The following EPM2A variants were observed in gnomAD, a reference collection of about 807,000 sequenced individuals.
EPM2A encodes the protein EPM2A glucan phosphatase, laforin.
Under a neutral mutation model 26.5 loss-of-function variants are expected in EPM2A, and 21 were observed. That is an observed-to-expected ratio of 0.79 (90% CI 0.56 to 1.14). The LOEUF (loss-of-function observed/expected upper bound fraction) is 1.14, where lower values mean the gene tolerates loss of function less well. Ranked by LOEUF, EPM2A falls within the 50% of genes most tolerant of loss-of-function variation. The pLI, the probability that EPM2A is intolerant of heterozygous loss-of-function variation, is 0.00. For synonymous variants in EPM2A, 217 were observed against 177.6 expected (o/e 1.22, Z -1.76); for missense variants, 458 against 440.8 (o/e 1.04, Z -0.35).
chr6:145,727,764 C>T (rs887060662), intron 1 of EPM2A, among the ~76,000 whole-genome samples: 3 of 152,196 alleles, frequency 2.0e-5, no homozygotes, highest in Admixed American at 6.5e-5. Flanking sequence ...TCTACTCATT[C>T]TTCTTGGTAA....
chr6:145,387,849 T>C (rs1231139592), intron 4 of EPM2A, among the ~76,000 whole-genome samples: 1 of 151,870 alleles, frequency 6.6e-6, no homozygotes, highest in Non-Finnish European at 1.5e-5. Context: ...CAAGTTATGG[T>C]ACAAGCAGGC....
In EPM2A at chr6:145,733,507, G is replaced by C. The variant is rs117768659; in HGVS notation, c.301+1691C>G. On this transcript the variant is annotated intron_variant, in intron 1 of 3. Transcript: ENST00000367519. ...AAAGTTTGTGGTACCTTAAGAAATA[G>C]CAACATAAGCAAACTATTAACGGCA... Among the ~76,000 whole-genome samples the C allele has an allele frequency of 4.1e-3, 628 of 152,092 alleles. 18 individuals carry two copies. In the East Asian group the frequency reaches 0.07, roughly 17 times the overall value.
rs1435084757 is a variant in EPM2A, at chr6:145,384,452, G to A, written c.556-355C>T. Reference sequence around the variant, plus strand: ...AGAAGGATTGGCAAAGGGAAAATGTGGTCTAAGATTCGGTGTCAATAAAGG... The same window carrying A: ...AGAAGGATTGGCAAAGGGAAAATGTAGTCTAAGATTCGGTGTCAATAAAGG... On this transcript the variant is annotated intron_variant, in intron 4 of 4. Transcript: ENST00000638717. Among the ~76,000 whole-genome samples the A allele has an allele frequency of 2.1e-5, 3 of 143,242 alleles. 1 individual carries two copies. The highest frequency in any genetic ancestry group is 4.6e-5 in the Non-Finnish European group (3 of 65,210). 94.0% of individuals were successfully genotyped at this position (143,242 alleles called of 152,430 possible).
At chr6:145,733,306 TA>T (rs67187505) in intron 1 of EPM2A, among the ~76,000 whole-genome samples, 81,769 of 151,134 alleles carry the variant, frequency 0.54, 22,553 homozygotes, top group East Asian at 0.67. Context: ...AAAATAATAG[TA>T]AAAAAAAATC....
At chr6:145,472,350 T>C (rs1200609403) in intron 4 of EPM2A, among the ~76,000 whole-genome samples, 9 of 151,798 alleles carry the variant, frequency 5.9e-5, no homozygotes, top group East Asian at 2.0e-4. Context: ...GTGGTGGCTA[T>C]GGGGCAAAAC....
At chr6:145,580,846 A>T (rs1418117699) in intron 2 of EPM2A, among the ~76,000 whole-genome samples, 1 of 152,142 alleles carries the variant, frequency 6.6e-6, no homozygotes, top group African/African-American at 2.4e-5. Context: ...AAAGGACATG[A>T]TCTCATTCTT....
intron 2 of EPM2A, among the ~76,000 whole-genome samples, chr6:145,619,663 A>G (rs1038816116): frequency 1.3e-5 from 2 of 152,178 alleles, no homozygotes; most frequent in Admixed American, 6.5e-5. Flanking sequence ...TCTGTCCGGC[A>G]ATGAAGATTA....
At chr6:145,644,460 T>A (rs1372503205) in intron 2 of EPM2A, among the ~76,000 whole-genome samples, 3 of 152,158 alleles carry the variant, frequency 2.0e-5, no homozygotes, top group Non-Finnish European at 4.4e-5. Context: ...AAGTTTTTTT[T>A]ATATATGGAT....
At chr6:145,720,039 A>G (rs1775868820) in intron 1 of EPM2A, among the ~76,000 whole-genome samples, 1 of 152,168 alleles carries the variant, frequency 6.6e-6, no homozygotes, top group South Asian at 2.1e-4. Flanking sequence ...CATATCTCTC[A>G]ACATTTCTCA....
chr6:145,387,409 T>C (rs1562315891), intron 4 of EPM2A, among the ~76,000 whole-genome samples: 1 of 152,116 alleles, frequency 6.6e-6, no homozygotes, highest in Non-Finnish European at 1.5e-5. Context: ...CTTCAGACTG[T>C]CCTGCCTCCA....
chr6:145,697,592 T>G (rs1158922134), intron 1 of EPM2A, among the ~76,000 whole-genome samples: 1 of 152,062 alleles, frequency 6.6e-6, no homozygotes. Context: ...GGCTCGACCA[T>G]AAAAGATGGC....
intron 2 of EPM2A, among the ~76,000 whole-genome samples, chr6:145,648,129 T>C (rs1426832788): frequency 1.3e-5 from 2 of 152,244 alleles, no homozygotes; most frequent in Admixed American, 1.3e-4. Context: ...CTACACATTA[T>C]TTCTTCTTTA....
At chr6:145,540,760 G>A (rs1228790316) in intron 2 of EPM2A, among the ~76,000 whole-genome samples, 2 of 152,128 alleles carry the variant, frequency 1.3e-5, no homozygotes, top group Non-Finnish European at 2.9e-5. Flanking sequence ...TCAAAAACTA[G>A]GGGCGTGGTA....
At chr6:145,544,240 T>A (rs1162305348) in intron 2 of EPM2A, among the ~76,000 whole-genome samples, 1 of 152,146 alleles carries the variant, frequency 6.6e-6, no homozygotes, top group Non-Finnish European at 1.5e-5. Context: ...GCTCACAGAT[T>A]GCTAAGCCGC....
chr6:145,598,737 G>A (rs1459543737), intron 2 of EPM2A, among the ~76,000 whole-genome samples: 1 of 151,972 alleles, frequency 6.6e-6, no homozygotes, highest in East Asian at 1.9e-4. Context: ...TTATAATTTT[G>A]GCTTTTACAA....
intron 2 of EPM2A, among the ~76,000 whole-genome samples, chr6:145,591,683 C>T (rs9497356): frequency 1.1e-4 from 17 of 151,762 alleles, no homozygotes; most frequent in East Asian, 7.7e-4. Context: ...CCGTAAGAAA[C>T]GTTAAAAGAA....
chr6:145,696,228 G>A (rs1442213411), intron 1 of EPM2A, among the ~76,000 whole-genome samples: 1 of 152,076 alleles, frequency 6.6e-6, no homozygotes, highest in Non-Finnish European at 1.5e-5. Flanking sequence ...TCAGACAAAT[G>A]ATAATGGGTA....
At chr6:145,558,688 C>T (rs1390769218) in intron 2 of EPM2A, among the ~76,000 whole-genome samples, 6 of 151,868 alleles carry the variant, frequency 4.0e-5, no homozygotes, top group South Asian at 2.1e-4. Context: ...ACGTGCTTTT[C>T]GAGAAATGTT....
chr6:145,641,540 C>G (rs915829127), intron 2 of EPM2A, among the ~76,000 whole-genome samples: 1 of 152,122 alleles, frequency 6.6e-6, no homozygotes, highest in Non-Finnish European at 1.5e-5. Context: ...CCTTAGCAAC[C>G]CAATAAAAGT....
Sources: gnomAD v4.1 joint callset for allele counts (sites outside exome capture counted in the v4.1 genomes callset) on GRCh38, gnomAD v4.1.1 for gene constraint, MANE v1.5 for transcripts, NCBI Gene and HGNC (gene_info 2026-07-23, HGNC 2026-07-21) for gene names.